Variants in CACNA2D4 observed in about 807,000 individuals in gnomAD.
CACNA2D4 encodes voltage-dependent calcium channel subunit alpha-2/delta-4.
In CACNA2D4, 157 loss-of-function variants were observed where a neutral mutation model predicts 163.8. The ratio of observed to expected loss-of-function variants is 0.96; its 90% CI spans 0.84 to 1.09. The LOEUF (loss-of-function observed/expected upper bound fraction) is 1.09, where lower values mean the gene tolerates loss of function less well. Ranked by LOEUF, CACNA2D4 falls within the 50% of genes least tolerant of loss-of-function variation. CACNA2D4 has a pLI of 0.00. For missense variants in CACNA2D4, 1,410 were observed against 1,479.9 expected (o/e 0.95, Z 0.78); for synonymous variants, 598 against 586.9 (o/e 1.02, Z -0.27).
At position 1,908,170 on chromosome 12, in the gene CACNA2D4, C is replaced by T. The variant is rs115498353; in HGVS notation, c.487-133G>A. ...GGCCATCAGAGTCTACACAAGCACC[C>T]GCGGCGGCGCGCTGGGCACTGATCA... On this transcript the variant is annotated intron_variant, in intron 4 of 37. Transcript: ENST00000382722. The T allele has an allele frequency of 2.0e-3, 1,736 of 888,122 alleles. 16 individuals carry two copies. In the African/African-American group the frequency reaches 0.026, roughly 13 times the overall value. The allele number at this position is 888,122 out of a possible 1,614,324, so 55.0% of individuals were successfully genotyped here. A position where few individuals can be genotyped will look rare whatever the true frequency, so the allele number is the denominator to read the frequency against.
At chr12:1,795,193 T>G in intron 37 of CACNA2D4, 106 bp downstream of exon 37, 1 of 891,590 alleles carries the variant, frequency 1.1e-6, no homozygotes, top group Admixed American at 2.1e-5. Flanking sequence ...GGCACAGGTG[T>G]GTTCATTGGC....
intron 6 of CACNA2D4, among the ~76,000 whole-genome samples, chr12:1,888,972 T>C (rs1024506858): frequency 6.6e-6 from 1 of 151,956 alleles, no homozygotes; most frequent in Non-Finnish European, 1.5e-5. Context: ...AATAAACAAA[T>C]ACCACGAAGG....
In CACNA2D4 at chr12:1,834,654, G is replaced by T; in HGVS notation, c.2551+6085C>A. On this transcript the variant is annotated intron_variant, in intron 26 of 37. Transcript: ENST00000382722. This position sits in a 1 kb window ranked among gnomAD's most constrained non-coding sequence, Gnocchi z 7.6. The stretch of plus-strand genomic sequence containing the variant: ...AAGTACCACCGGGAGCTCAAAAAGC[G>T]CCAGCCCCTGATGGGGGACCCCGAG... The T allele has an allele frequency of 6.2e-7, 1 of 1,601,128 alleles. No individual in the cohort carries two copies.
intron 26 of CACNA2D4, 129 bp from the exon 27 acceptor site, chr12:1,811,852 A>T: frequency 5.0e-6 from 4 of 807,246 alleles, no homozygotes; most frequent in African/African-American, 1.7e-5. Flanking sequence ...GGGAGGACTG[A>T]GTCAGAGGGC....
rs1863007166 is a variant in CACNA2D4 at position 1,792,647 on chromosome 12, G to A, written c.*1008C>T. Reference sequence around the variant, plus strand: ...CGGGGGAGGAAGCTGCGGGGCCTTGGGACCCTGGGGGAGATGTGTGTGCGC... The same window carrying A: ...CGGGGGAGGAAGCTGCGGGGCCTTGAGACCCTGGGGGAGATGTGTGTGCGC... On this transcript the variant is annotated 3_prime_UTR_variant, in exon 38 of 38. Transcript: ENST00000382722. 1 of 152,116 alleles carries A rather than the reference G, an allele frequency of 6.6e-6. No homozygotes were observed. Among genetic ancestry groups the A allele is most frequent in the East Asian group, 1.9e-4 (1 of 5,186 alleles). 9.4% of individuals were successfully genotyped at this position (152,116 alleles called of 1,614,324 possible).
chr12:1,897,053 G>A (rs750926115), intron 6 of CACNA2D4, among the ~76,000 whole-genome samples: 9 of 126,530 alleles, frequency 7.1e-5, no homozygotes, highest in Non-Finnish European at 1.1e-4. Context: ...ACACTGGGCC[G>A]GGAGCGGTGG....
chr12:1,877,293 G>C (rs1865903379), intron 16 of CACNA2D4, among the ~76,000 whole-genome samples: 1 of 152,160 alleles, frequency 6.6e-6, no homozygotes, highest in East Asian at 1.9e-4. Context: ...CTACAAGTCA[G>C]CTCCAGAATC....
At chr12:1,796,972 C>A (rs1863147060) in intron 35 of CACNA2D4, among the ~76,000 whole-genome samples, 1 of 152,194 alleles carries the variant, frequency 6.6e-6, no homozygotes, top group Non-Finnish European at 1.5e-5. Context: ...ACACTTCCGG[C>A]CTTCTCTTCT....
chr12:1,848,970 C>T (rs916959726), intron 23 of CACNA2D4, among the ~76,000 whole-genome samples: 11 of 152,134 alleles, frequency 7.2e-5, no homozygotes, highest in Admixed American at 6.5e-4. Context: ...AGGGCCTCCT[C>T]CAGCTGGCTC....
intron 6 of CACNA2D4, among the ~76,000 whole-genome samples, chr12:1,905,129 C>G (rs979135283): frequency 2.0e-5 from 3 of 151,928 alleles, no homozygotes; most frequent in African/African-American, 7.2e-5. Context: ...ATGGCCATCC[C>G]AATGGATGCA....
chr12:1,794,939 A>C (rs1863067376), intron 37 of CACNA2D4: 1 of 430,454 alleles, frequency 2.3e-6, no homozygotes, highest in Non-Finnish European at 4.1e-6. Flanking sequence ...GCCCCCAGCC[A>C]CCAGTCATCT....
Position 1,907,577 on chromosome 12 carries a change from G to T in CACNA2D4, c.650-6C>A, listed in dbSNP as rs759614080. On this transcript the variant is annotated splice_polypyrimidine_tract_variant and splice_region_variant and intron_variant, in intron 5 of 37. Transcript: ENST00000382722. ...TCCATTTAAAATATCTGGGTCTGAA[G>T]GGTGAGACTATAGATTATGATCCTG... is the stretch of plus-strand genomic sequence containing the variant. 1 of 1,610,968 alleles carries T rather than the reference G, an allele frequency of 6.2e-7. No homozygotes were observed. The highest frequency in any genetic ancestry group is 8.5e-7 in the Non-Finnish European group (1 of 1,177,904).
intron 29 of CACNA2D4, among the ~76,000 whole-genome samples, chr12:1,803,283 A>T (rs1863400652): frequency 6.6e-6 from 1 of 152,236 alleles, no homozygotes; most frequent in East Asian, 1.9e-4. Context: ...CAACTCCTGA[A>T]CACCCAATGA....
intron 26 of CACNA2D4, among the ~76,000 whole-genome samples, chr12:1,812,673 A>G (rs114468318): frequency 0.019 from 2,965 of 152,254 alleles, 91 homozygotes; most frequent in African/African-American, 0.067. Context: ...AGAAATGGAG[A>G]CTTTTCAGAG....
chr12:1,908,772 C>A (rs566552720), intron 4 of CACNA2D4, among the ~76,000 whole-genome samples: 46 of 109,136 alleles, frequency 4.2e-4, no homozygotes, highest in Non-Finnish European at 5.9e-4. Flanking sequence ...GACTGCCTCA[C>A]GGACATCCCC....
At chr12:1,841,133 G>A (rs1294260132) in intron 25 of CACNA2D4, among the ~76,000 whole-genome samples, 1 of 152,226 alleles carries the variant, frequency 6.6e-6, no homozygotes, top group Non-Finnish European at 1.5e-5. Context: ...CACCTGTGTT[G>A]TATCCAGTGA....
At chr12:1,851,218 C>T (rs2154448155) in intron 23 of CACNA2D4, among the ~76,000 whole-genome samples, 1 of 152,182 alleles carries the variant, frequency 6.6e-6, no homozygotes, top group East Asian at 1.9e-4. Flanking sequence ...ATTTATCCGT[C>T]ATTCCTTTAT....
intron 26 of CACNA2D4, among the ~76,000 whole-genome samples, chr12:1,822,431 C>T (rs1239895115): frequency 6.6e-6 from 1 of 152,124 alleles, no homozygotes; most frequent in Non-Finnish European, 1.5e-5. Flanking sequence ...GCCAAGCCTC[C>T]TGTGCCCTGC....
intron 26 of CACNA2D4, among the ~76,000 whole-genome samples, chr12:1,815,237 G>C (rs751693047): frequency 6.6e-6 from 1 of 152,172 alleles, no homozygotes; most frequent in Non-Finnish European, 1.5e-5. Flanking sequence ...CACAGGAACT[G>C]GCTCTGCTGA....
Sources: gnomAD v4.1 joint callset for allele counts (sites outside exome capture counted in the v4.1 genomes callset) on GRCh38, gnomAD v4.1.1 for gene constraint, Gnocchi (gnomAD v3.1) non-coding constraint, MANE v1.5 for transcripts, NCBI Gene and HGNC (gene_info 2026-07-23, HGNC 2026-07-21) for gene names.